The following TTN variants were observed in gnomAD, a reference collection of about 807,000 sequenced individuals.
TTN encodes the protein titin.
Under a neutral mutation model 3,223.0 loss-of-function variants are expected in TTN, and 1,525 were observed. The observed-to-expected ratio is 0.47, with a 90% CI of 0.45 to 0.49. The LOEUF is 0.49. Ranked by LOEUF, TTN falls within the 20% of genes least tolerant of loss-of-function variation. The probability of loss-of-function intolerance (pLI) is 0.00; values close to 1 mark genes in which losing one functional copy is unlikely to be tolerated. For missense variants in TTN, 40,786 were observed against 43,424.0 expected, an observed-to-expected ratio of 0.94 and a Z score of 5.40; for synonymous variants, 14,094 against 15,161.0, an observed-to-expected ratio of 0.93 and a Z score of 5.17.
intron 279 of TTN, 45 bp downstream of exon 279, chr2:178,605,369 C>T: frequency 6.5e-7 from 1 of 1,538,124 alleles, no homozygotes; most frequent in African/African-American, 1.4e-5. Flanking sequence ...GATAAAGGCA[C>T]ACTGTAAAAT....
intron 240 of TTN, chr2:178,628,905 C>G (rs924258053): frequency 5.9e-6 from 1 of 169,098 alleles, no homozygotes; most frequent in East Asian, 1.9e-4. Flanking sequence ...CCCTTATATG[C>G]AGAACACTAA....
At position 178,778,708 on chromosome 2, in the gene TTN, AC is replaced by A. The variant is rs1288388865; in HGVS notation, c.4208+165del. 4.3e-6 allele frequency: 4 copies of A among 936,456 alleles called. No homozygotes were observed. In the African/African-American group the frequency reaches 6.6e-5, roughly 15 times the overall value. The allele number at this position is 936,456 out of a possible 1,614,324, so 58.0% of individuals were successfully genotyped here. A position where few individuals can be genotyped will look rare whatever the true frequency, so the allele number is the denominator to read the frequency against. On this transcript the variant is annotated intron_variant, in intron 24 of 362. Transcript: ENST00000589042. The stretch of plus-strand genomic sequence containing the variant: ...GATGAAAATTCTTTGCTCATCTTAC[AC>A]AGGGGCAAGAAATAAAAACTTCTGG...
In TTN at chr2:178,741,341, C is replaced by A. The variant is rs1410220479; in HGVS notation, c.11892G>T (p.Glu3964Asp). 2.5e-6 allele frequency: 4 copies of A among 1,613,876 alleles called. No individual in the cohort carries two copies. Among genetic ancestry groups the A allele is most frequent in the Non-Finnish European group, 3.4e-6 (4 of 1,179,826 alleles). The change falls in exon 48 of 363, where the codon GAG becomes GAT. Residue 3964 changes from glutamate to aspartate, a missense_variant. Glu to Asp is a conservative substitution (Grantham distance 45). Coordinates refer to ENST00000589042, the MANE Select transcript of TTN (RefSeq NM_001267550.2). ...PAIFEYTVVG[E>D]PAPTVTWFKE... is the part of the protein sequence containing the mutation. Reference sequence around the variant, plus strand: ...TGAACCATGTAACAGTAGGGGCAGGCTCTCCAACCACTGTGTACTCAAAGA... The same window carrying A: ...TGAACCATGTAACAGTAGGGGCAGGATCTCCAACCACTGTGTACTCAAAGA...
rs71023450 is a variant in TTN, at chr2:178,646,104, T to TTATATATATATATA, written c.40298-88_40298-75dup. On this transcript the variant is annotated intron_variant, in intron 216 of 362. Coordinates refer to ENST00000589042, the MANE Select transcript of TTN (RefSeq NM_001267550.2). ...GGATATGTAGTATATTTAATAGAAA[T>TTATATATATATATA]TATATATATATATATATATATATAT... 224 of 37,972 alleles carry TTATATATATATATA rather than the reference T, an allele frequency of 5.9e-3. 34 individuals carry two copies. Among genetic ancestry groups the TTATATATATATATA allele is most frequent in the Non-Finnish European group, 7.8e-3 (142 of 18,216 alleles). 2.4% of individuals were successfully genotyped at this position (37,972 alleles called of 1,614,324 possible).
Position 178,546,843 on chromosome 2 carries a change from C to T in TTN, c.94585G>A (p.Ala31529Thr), listed in dbSNP as rs947067361. 2 of 1,605,010 alleles carry T rather than the reference C, an allele frequency of 1.2e-6. No individual in the cohort carries two copies. The highest frequency in any genetic ancestry group is 1.7e-6 in the Non-Finnish European group (2 of 1,173,162). ...TTGCTGCCTCCATCATACGCTGGGG[C>T]AGACCAAATCAGTGATACTGTTGAT... ...TRSTVSLIWS[A>T]PAYDGGSKVV... Residue 31529 changes from alanine (A) to threonine (T), a missense_variant, in exon 341 of 363, where the codon GCC becomes ACC. Ala to Thr is a moderately conservative substitution (Grantham distance 58, BLOSUM62 0). Coordinates refer to ENST00000589042, the MANE Select transcript of TTN (RefSeq NM_001267550.2).
In TTN at chr2:178,548,272, C is replaced by A. The variant is rs2154147269; in HGVS notation, c.93354G>T (p.Arg31118Ser). 2 of 1,613,818 alleles carry A rather than the reference C, an allele frequency of 1.2e-6. No individual in the cohort carries two copies. The highest frequency in any genetic ancestry group is 2.2e-5 in the South Asian group (2 of 91,084). Residue 31118 changes from arginine (R) to serine (S), a missense_variant, in exon 339 of 363, where the codon AGG becomes AGT. Physicochemically the swap from Arg to Ser is moderately radical, Grantham distance 110 (BLOSUM62 -1). Coordinates refer to ENST00000589042, the MANE Select transcript of TTN (RefSeq NM_001267550.2). This position sits in a 1 kb window ranked among gnomAD's most constrained non-coding sequence, Gnocchi z 4.3. ...TGCTAGTATCAACAACATCAAGTCT[C>A]CTAGGTGGAGCAGGCTGTTCTGTGG... Reference protein sequence around the residue: ...IVATEQPAPPRRLDVVDTSKS... With the variant: ...IVATEQPAPPSRLDVVDTSKS...
rs764248656 is a variant in TTN at position 178,718,350 on chromosome 2, A to G, written c.24756T>C (p.Asp8252=). Residue 8252 remains aspartate, a synonymous_variant, in exon 85 of 363, where the codon GAT becomes GAC. Coordinates refer to ENST00000589042, the MANE Select transcript of TTN (RefSeq NM_001267550.2). The part of the protein sequence containing the change: ...SCLIENEAGQ[D]ICEALVSVLE... ...AGACAGACACCAGAGCTTCACAGAT[A>G]TCTTGACCAGCCTCATTTTCTATCA... The G allele has an allele frequency of 1.9e-6, 3 of 1,613,702 alleles. No individual in the cohort carries two copies. In the South Asian group the frequency reaches 3.3e-5, roughly 18 times the overall value.
rs878857012 is a variant in TTN at position 178,578,177 on chromosome 2, G to C, written c.68338C>G (p.Leu22780Val). Residue 22780 changes from leucine (L) to valine (V), a missense_variant, in exon 322 of 363, where the codon CTC becomes GTC. Leu to Val is a conservative substitution (Grantham distance 32, BLOSUM62 1). Transcript: ENST00000589042. Reference sequence around the variant, plus strand: ...AGGCTGTTTCTTTCCTTGAACTCGAGATGATACCCTACAAAAGACCCAGGG... The same window carrying C: ...AGGCTGTTTCTTTCCTTGAACTCGACATGATACCCTACAAAAGACCCAGGG... ...TGGSPITGYH[L>V]EFKERNSLLW... is the part of the protein sequence containing the mutation. 4 of 1,611,304 alleles carry C rather than the reference G, an allele frequency of 2.5e-6. No homozygotes were observed. Among genetic ancestry groups the C allele is most frequent in the Non-Finnish European group, 2.5e-6 (3 of 1,179,208 alleles).
chr2:178,707,233 C>T (rs944298992), intron 100 of TTN, among the ~76,000 whole-genome samples: 4 of 152,122 alleles, frequency 2.6e-5, no homozygotes, highest in Non-Finnish European at 4.4e-5. Context: ...TACTTTCTAT[C>T]GCATTATTAT....
intron 215 of TTN, 24 bp downstream of exon 215, chr2:178,647,040 G>GTATATATATATATA (rs10580462): frequency 2.6e-4 from 190 of 731,420 alleles, no homozygotes; most frequent in Middle Eastern, 4.7e-4. Flanking sequence ...TTAAAAAAAT[G>GTATATATATATATA]TATATATATA....
rs2154184267 is a variant in TTN at position 178,590,251 on chromosome 2, G to T, written c.61474C>A (p.Gln20492Lys). The T allele has an allele frequency of 3.2e-6, 5 of 1,584,878 alleles. No individual in the cohort carries two copies. The highest frequency in any genetic ancestry group is 1.7e-4 in the Middle Eastern group (1 of 5,896). The change falls in exon 304 of 363, where the codon CAA becomes AAA. Residue 20492 changes from glutamine to lysine, a missense_variant. Physicochemically the swap from Gln to Lys is moderately conservative, Grantham distance 53. Transcript: ENST00000589042. ...CRDVITVRVG[Q>K]TIRILARVKG... ...ACTCGAGCTAGAATGCGGATAGTTTGGCCTACTCTCACGGTAATAACATCA... is the reference window on the plus strand; with the variant it reads ...ACTCGAGCTAGAATGCGGATAGTTTTGCCTACTCTCACGGTAATAACATCA...
rs2035496 is a variant in TTN at position 178,779,577 on chromosome 2, G to A, written c.3730-115C>T. On this transcript the variant is annotated intron_variant, in intron 22 of 362. Coordinates refer to ENST00000589042, the MANE Select transcript of TTN (RefSeq NM_001267550.2). Reference sequence around the variant, plus strand: ...TTTTTAGCTGGGAGAAGAATCTAGAGGACTTTTTGGTTTGTTTGTTTTAAT... The same window carrying A: ...TTTTTAGCTGGGAGAAGAATCTAGAAGACTTTTTGGTTTGTTTGTTTTAAT... 695,716 of 717,334 alleles carry A rather than the reference G, an allele frequency of 0.97. 338,012 individuals are homozygous for A. Among genetic ancestry groups the A allele is most frequent in the Non-Finnish European group, 0.99 (432,464 of 436,312 alleles). 44.4% of individuals were successfully genotyped at this position (717,334 alleles called of 1,614,324 possible).
At position 178,588,229 on chromosome 2, in the gene TTN, A is replaced by G. The variant is rs759195814; in HGVS notation, c.63188-10T>C. ...GGTGGACCAGGTGGCTCTGAAAGTAAAATATACATATAGTTAACTACTACT... is the reference window on the plus strand; with the variant it reads ...GGTGGACCAGGTGGCTCTGAAAGTAGAATATACATATAGTTAACTACTACT... On this transcript the variant is annotated splice_polypyrimidine_tract_variant and intron_variant, in intron 304 of 362. Coordinates refer to ENST00000589042, the MANE Select transcript of TTN (RefSeq NM_001267550.2). The G allele has an allele frequency of 6.5e-7, 1 of 1,549,130 alleles. No homozygotes were observed. Among genetic ancestry groups the G allele is most frequent in the East Asian group, 2.3e-5 (1 of 43,956 alleles).
rs758336721 is a variant in TTN at position 178,548,497 on chromosome 2, G to T, written c.93129C>A (p.Asp31043Glu). The T allele has an allele frequency of 6.2e-7, 1 of 1,613,836 alleles. No homozygotes were observed. Among genetic ancestry groups the T allele is most frequent in the Non-Finnish European group, 8.5e-7 (1 of 1,179,812 alleles). Reference sequence around the variant, plus strand: ...CATAATGATGGATTCGGGCACCACCGTCAAGAAGAGGGGCATCCCACATCA... The same window carrying T: ...CATAATGATGGATTCGGGCACCACCTTCAAGAAGAGGGGCATCCCACATCA... ...ATLMWDAPLL[D>E]GGARIHHYVV... Residue 31043 changes from aspartate to glutamate, a missense_variant, in exon 339 of 363, where the codon GAC becomes GAA. Physicochemically the swap from Asp to Glu is conservative, Grantham distance 45. Coordinates refer to ENST00000589042, the MANE Select transcript of TTN (RefSeq NM_001267550.2). The surrounding 1 kb of genome is among the most constrained non-coding windows in gnomAD (Gnocchi z 4.3).
At chr2:178,782,129 G>A (rs1039132931) in intron 20 of TTN, 83 bp downstream of exon 20, 43 of 1,497,518 alleles carry the variant, frequency 2.9e-5, no homozygotes, top group Non-Finnish European at 3.9e-5. Context: ...GCTCAGGGTC[G>A]GTGGGGTGAG....
At chr2:178,664,619 T>G in intron 167 of TTN, 35 bp downstream of exon 167, 1 of 1,608,944 alleles carries the variant, frequency 6.2e-7, no homozygotes, top group Non-Finnish European at 8.5e-7. Context: ...AGAAAAGACA[T>G]GTTCCCACCC....
intron 219 of TTN, among the ~76,000 whole-genome samples, chr2:178,641,775 A>G (rs926396999): frequency 1.3e-5 from 2 of 151,878 alleles, no homozygotes; most frequent in Non-Finnish European, 2.9e-5. Flanking sequence ...CTTGTTTCTC[A>G]TTCTTTAATA....
chr2:178,698,708 G>A (rs1031137020), intron 112 of TTN, 135 bp downstream of exon 112: 1 of 799,300 alleles, frequency 1.3e-6, no homozygotes, highest in Admixed American at 3.1e-5. Flanking sequence ...AAAGACGAGG[G>A]CGAAAGTGAG....
intron 43 of TTN, among the ~76,000 whole-genome samples, chr2:178,759,526 G>C (rs983361727): frequency 6.6e-6 from 1 of 152,332 alleles, no homozygotes; most frequent in Non-Finnish European, 1.5e-5. Flanking sequence ...GTCCTAAGAA[G>C]AGTCATCAGG....
Sources: gnomAD v4.1 joint callset for allele counts (sites outside exome capture counted in the v4.1 genomes callset) on GRCh38, gnomAD v4.1.1 for gene constraint, Gnocchi (gnomAD v3.1) non-coding constraint, MANE v1.5 for transcripts, NCBI Gene and HGNC (gene_info 2026-07-23, HGNC 2026-07-21) for gene names.